Variants in GUCY1A2 observed in about 807,000 individuals in gnomAD.
The protein encoded by GUCY1A2 is guanylate cyclase soluble subunit alpha-2.
Under a neutral mutation model 63.5 loss-of-function variants are expected in GUCY1A2, and 27 were observed. The observed-to-expected ratio is 0.43, with a 90% confidence interval of 0.31 to 0.59. The LOEUF (loss-of-function observed/expected upper bound fraction) is 0.59, where lower values mean the gene tolerates loss of function less well. Among genes scored for constraint, GUCY1A2 ranks in the 20% least tolerant of loss-of-function variants. The pLI is 0.11. For missense variants in GUCY1A2, 768 were observed against 913.3 expected, an observed-to-expected ratio of 0.84 and a Z score of 2.05; for synonymous variants, 364 against 343.5, an observed-to-expected ratio of 1.06 and a Z score of -0.66.
intron 4 of GUCY1A2, among the ~76,000 whole-genome samples, chr11:106,825,144 A>G (rs1191814862): frequency 1.3e-5 from 2 of 152,214 alleles, no homozygotes; most frequent in Non-Finnish European, 2.9e-5. Context: ...TCACGATTAT[A>G]TAATTTTCCA....
At chr11:106,727,599 G>A (rs1020893647) in intron 6 of GUCY1A2, among the ~76,000 whole-genome samples, 3 of 151,994 alleles carry the variant, frequency 2.0e-5, no homozygotes, top group African/African-American at 7.3e-5. Context: ...CTTTGCTCCA[G>A]TCATTTAAAA....
intron 3 of GUCY1A2, among the ~76,000 whole-genome samples, chr11:106,948,105 A>C (rs1450322254): frequency 2.6e-5 from 4 of 152,152 alleles, no homozygotes; most frequent in Non-Finnish European, 5.9e-5. Flanking sequence ...ACCAAAGTTG[A>C]CTCAAGAAGA....
intron 4 of GUCY1A2, among the ~76,000 whole-genome samples, chr11:106,854,571 C>T (rs1342980753): frequency 3.3e-5 from 5 of 152,114 alleles, no homozygotes; most frequent in Non-Finnish European, 2.9e-5. Flanking sequence ...CCACGTAAGG[C>T]GGACGAACCC....
intron 6 of GUCY1A2, among the ~76,000 whole-genome samples, chr11:106,722,697 A>G (rs1421573365): frequency 6.6e-6 from 1 of 152,160 alleles, no homozygotes; most frequent in Non-Finnish European, 1.5e-5. Flanking sequence ...CAAGCAAACA[A>G]AAGAAAAAAA....
rs376507909 is a variant in GUCY1A2 at position 106,862,565 on chromosome 11, A to G, written c.1207-52087T>C. ...AGCACCTCACTGAAGGAACAAAGAA[A>G]CATTTAAAACCTTTGTGGGCACTCT... On this transcript the variant is annotated intron_variant, in intron 4 of 7. Coordinates refer to ENST00000526355, the MANE Select transcript of GUCY1A2 (RefSeq NM_000855.3). Among the ~76,000 whole-genome samples, 9 of 152,180 alleles carry G rather than the reference A, an allele frequency of 5.9e-5. No individual in the cohort carries two copies. The East Asian group carries it at 1.4e-3, about 23-fold the overall frequency.
In GUCY1A2 at chr11:106,979,454, CA is replaced by C. The variant is rs368315276; in HGVS notation, c.366-715del. Among the ~76,000 whole-genome samples the C allele has an allele frequency of 6.5e-3, 384 of 59,496 alleles. 1 individual carries two copies. The highest frequency in any genetic ancestry group is 0.016 in the Middle Eastern group (2 of 122). 39.0% of individuals were successfully genotyped at this position (59,496 alleles called of 152,430 possible). On this transcript the variant is annotated intron_variant, in intron 2 of 7. Transcript: ENST00000526355. ...TGGGTGACAGAGTGAGACTCCGTCT[CA>C]AAAAAAAAAAAAAAAAAAAAGAAGA...
At chr11:106,729,407 T>A in intron 6 of GUCY1A2, among the ~76,000 whole-genome samples, 1 of 152,108 alleles carries the variant, frequency 6.6e-6, no homozygotes, top group East Asian at 1.9e-4. Context: ...TTTTTTAAAT[T>A]TCTGTGGGCT....
chr11:106,766,491 G>C (rs1313899437), intron 6 of GUCY1A2, among the ~76,000 whole-genome samples: 1 of 151,850 alleles, frequency 6.6e-6, no homozygotes, highest in Non-Finnish European at 1.5e-5. Context: ...GTCTATAATT[G>C]GTTGGTAAAT....
At position 106,685,575 on chromosome 11, in the gene GUCY1A2, A is replaced by T. The variant is rs190311535; in HGVS notation, c.*1974T>A. The T allele has an allele frequency of 4.9e-3, 1,118 of 227,966 alleles. 4 individuals are homozygous for T. The highest frequency in any genetic ancestry group is 7.7e-3 in the South Asian group (42 of 5,466). 14.1% of individuals were successfully genotyped at this position (227,966 alleles called of 1,614,324 possible). A position where few individuals can be genotyped will look rare whatever the true frequency, so the allele number is the denominator to read the frequency against. ...TAAGTTACTGAAGACAATAGGCATA[A>T]ATGACATCAGTGAGCTTGTTCCCTC... On this transcript the variant is annotated 3_prime_UTR_variant, in exon 8 of 8. Transcript: ENST00000526355.
chr11:106,689,889 G>C (rs1184186599), intron 7 of GUCY1A2, among the ~76,000 whole-genome samples: 1 of 151,918 alleles, frequency 6.6e-6, no homozygotes, highest in African/African-American at 2.4e-5. Context: ...CAGCTACTTA[G>C]GAGGCTGAGG....
chr11:106,685,487 A>G lies in GUCY1A2; in HGVS notation c.*2062T>C, dbSNP rs1299446949. ...ATTCCTGGAAGTCCCTTTCAGCCTT[A>G]TGGTTACAAAACACATTGTTCATCA... On this transcript the variant is annotated 3_prime_UTR_variant, in exon 8 of 8. Coordinates refer to ENST00000526355, the MANE Select transcript of GUCY1A2 (RefSeq NM_000855.3). 1 of 224,106 alleles carries G rather than the reference A, an allele frequency of 4.5e-6. No homozygotes were observed. Among genetic ancestry groups the G allele is most frequent in the African/African-American group, 2.2e-5 (1 of 44,820 alleles). 13.9% of individuals were successfully genotyped at this position (224,106 alleles called of 1,614,324 possible).
At chr11:106,816,593 AC>A (rs1858835388) in intron 4 of GUCY1A2, among the ~76,000 whole-genome samples, 1 of 151,546 alleles carries the variant, frequency 6.6e-6, no homozygotes, top group Admixed American at 6.6e-5. Flanking sequence ...AAGGGAGGAA[AC>A]AAAAACCATA....
intron 1 of GUCY1A2, among the ~76,000 whole-genome samples, chr11:106,995,497 A>T (rs1329441237): frequency 3.9e-5 from 6 of 152,170 alleles, no homozygotes; most frequent in Non-Finnish European, 8.8e-5. Context: ...TTATAGTTGA[A>T]AGGGATTAAC....
chr11:106,719,507 G>C (rs530865429), intron 6 of GUCY1A2, among the ~76,000 whole-genome samples: 1 of 152,174 alleles, frequency 6.6e-6, no homozygotes, highest in South Asian at 2.1e-4. Context: ...AGAAAAAAAG[G>C]AATTTTAATA....
chr11:106,964,358 C>A (rs1281769660), intron 3 of GUCY1A2, among the ~76,000 whole-genome samples: 1 of 152,142 alleles, frequency 6.6e-6, no homozygotes, highest in African/African-American at 2.4e-5. Context: ...GGATAGCTAC[C>A]CCTCCAGGGC....
At chr11:106,896,429 C>T (rs1565323933) in intron 4 of GUCY1A2, among the ~76,000 whole-genome samples, 3 of 152,130 alleles carry the variant, frequency 2.0e-5, no homozygotes, top group African/African-American at 4.8e-5. Context: ...TCTCACTACT[C>T]CTTTTAAATA....
chr11:106,895,849 T>C (rs925203490), intron 4 of GUCY1A2, among the ~76,000 whole-genome samples: 6 of 151,756 alleles, frequency 4.0e-5, no homozygotes, highest in Non-Finnish European at 8.8e-5. Flanking sequence ...GCAAAAATTA[T>C]TAACAAAATA....
chr11:106,923,356 T>C (rs1860475478), intron 4 of GUCY1A2, among the ~76,000 whole-genome samples: 1 of 152,194 alleles, frequency 6.6e-6, no homozygotes, highest in Non-Finnish European at 1.5e-5. Context: ...TCCTAAACAC[T>C]TGCTGTATGC....
In GUCY1A2 at chr11:106,776,326, A is replaced by T. The variant is rs958531818; in HGVS notation, c.1836+113T>A. On this transcript the variant is annotated intron_variant, in intron 6 of 7. Coordinates refer to ENST00000526355, the MANE Select transcript of GUCY1A2 (RefSeq NM_000855.3). ...TAGTCACTCCTTGTCCTCCTTAAGC[A>T]CCCAACTTGTCTAGATCTATAAATT... 1.3e-5 allele frequency: 10 copies of T among 778,198 alleles called. No individual in the cohort carries two copies. In the Admixed American group the frequency reaches 1.5e-4, roughly 12 times the overall value. The allele number at this position is 778,198 out of a possible 1,614,324, so 48.2% of individuals were successfully genotyped here.
Sources: allele counts gnomAD v4.1 joint callset (sites outside exome capture counted in the v4.1 genomes callset), GRCh38; gene constraint gnomAD v4.1.1; transcripts MANE v1.5; gene names NCBI Gene and HGNC (gene_info 2026-07-23, HGNC 2026-07-21).